Variants in RNF13 observed in about 807,000 individuals in gnomAD.
The protein encoded by RNF13 is ring finger protein 13.
A neutral mutation model predicts 37.7 loss-of-function variants in RNF13; 19 were observed. The ratio of observed to expected loss-of-function variants is 0.50; its 90% confidence interval spans 0.35 to 0.74. The LOEUF is 0.74. Ranked by LOEUF, RNF13 falls within the 30% of genes least tolerant of loss-of-function variation. The probability of loss-of-function intolerance (pLI) is 0.01; values close to 1 mark genes in which losing one functional copy is unlikely to be tolerated. For missense variants in RNF13, 375 were observed against 453.0 expected (o/e 0.83, Z 1.56); for synonymous variants, 144 against 157.8 (o/e 0.91, Z 0.65).
chr3:149,857,721 A>G (rs1723789969), intron 3 of RNF13, among the ~76,000 whole-genome samples: 1 of 152,236 alleles, frequency 6.6e-6, no homozygotes, highest in Non-Finnish European at 1.5e-5. Context: ...ACCTTTCCCC[A>G]TCCCCTTCCC....
Position 149,885,594 on chromosome 3 carries a change from A to G in RNF13, c.322-9879A>G, listed in dbSNP as rs138940370. ...AATTGGATTATCAGACTTTTTTCCT[A>G]TAGCATTGTTTGAACTCCTTATATA... On this transcript the variant is annotated intron_variant, in intron 4 of 9. Coordinates refer to ENST00000392894, the MANE Select transcript of RNF13 (RefSeq NM_183381.3). Among the ~76,000 whole-genome samples the G allele has an allele frequency of 2.9e-3, 434 of 152,174 alleles. 2 individuals are homozygous for G. Among genetic ancestry groups the G allele is most frequent in the African/African-American group, 1.0e-2 (414 of 41,552 alleles).
intron 8 of RNF13, among the ~76,000 whole-genome samples, chr3:149,940,681 A>AT (rs1342294590): frequency 6.6e-6 from 1 of 151,830 alleles, no homozygotes; most frequent in Non-Finnish European, 1.5e-5. Context: ...TTTTGCTTGC[A>AT]TTTTTTATTG....
chr3:149,832,375 A>T (rs1336366622), intron 1 of RNF13, among the ~76,000 whole-genome samples: 1 of 152,250 alleles, frequency 6.6e-6, no homozygotes, highest in Non-Finnish European at 1.5e-5. Context: ...TTTGGAAGTG[A>T]ATTTCCTGAA....
intron 8 of RNF13, chr3:149,939,140 T>C: frequency 1.9e-6 from 1 of 513,232 alleles, no homozygotes; most frequent in Non-Finnish European, 3.8e-6. Flanking sequence ...TTTCCTGTTT[T>C]TTGAAAGATT....
At chr3:149,895,269 C>T (rs781033677) in intron 4 of RNF13, 14 of 392,444 alleles carry the variant, frequency 3.6e-5, no homozygotes, top group South Asian at 8.7e-5. Flanking sequence ...GAATTGAATG[C>T]TCAAGGTCTG....
chr3:149,823,664 T>C (rs1344360226), intron 1 of RNF13, among the ~76,000 whole-genome samples: 2 of 152,158 alleles, frequency 1.3e-5, no homozygotes, highest in Non-Finnish European at 2.9e-5. Flanking sequence ...TATAAAGCAG[T>C]ACAAAGTAGC....
At chr3:149,815,948 G>A (rs945217946) in intron 1 of RNF13, among the ~76,000 whole-genome samples, 1 of 151,946 alleles carries the variant, frequency 6.6e-6, no homozygotes, top group Non-Finnish European at 1.5e-5. Flanking sequence ...TGTTGCCCAG[G>A]CTGGAGCAAT....
intron 1 of RNF13, among the ~76,000 whole-genome samples, chr3:149,819,649 T>G (rs1291851874): frequency 6.6e-6 from 1 of 152,200 alleles, no homozygotes; most frequent in Non-Finnish European, 1.5e-5. Context: ...TGCTCATGGT[T>G]ACAGAGAAAA....
chr3:149,932,233 C>A (rs1054028313), intron 8 of RNF13, among the ~76,000 whole-genome samples: 1 of 152,084 alleles, frequency 6.6e-6, no homozygotes, highest in Non-Finnish European at 1.5e-5. Context: ...ATGGTGGTTT[C>A]ATTTTTACTT....
intron 6 of RNF13, among the ~76,000 whole-genome samples, chr3:149,909,386 C>A (rs1716751274): frequency 6.6e-6 from 1 of 151,730 alleles, no homozygotes; most frequent in Non-Finnish European, 1.5e-5. Flanking sequence ...GCTAAGTTTC[C>A]AGCCTTAGCC....
At chr3:149,849,418 G>A (rs1335133179) in intron 2 of RNF13, among the ~76,000 whole-genome samples, 2 of 152,214 alleles carry the variant, frequency 1.3e-5, no homozygotes, top group Admixed American at 6.5e-5. Flanking sequence ...ATGGGTGGTG[G>A]TGTGAATGGA....
chr3:149,822,707 A>G (rs554340787), intron 1 of RNF13: 3 of 152,226 alleles, frequency 2.0e-5, no homozygotes, highest in African/African-American at 7.2e-5. Flanking sequence ...TTATTAAAGA[A>G]GGTAGATCAT....
chr3:149,921,398 C>T (rs1718111020), intron 8 of RNF13, among the ~76,000 whole-genome samples, 171 bp downstream of exon 8: 1 of 152,098 alleles, frequency 6.6e-6, no homozygotes, highest in Non-Finnish European at 1.5e-5. Context: ...GTTTGCTGCA[C>T]CCATCAACTC....
chr3:149,850,300 C>T (rs1723014827), intron 2 of RNF13, among the ~76,000 whole-genome samples: 2 of 152,286 alleles, frequency 1.3e-5, no homozygotes, highest in South Asian at 4.1e-4. Context: ...GATTTTTAAA[C>T]AGTGAACATG....
intron 8 of RNF13, among the ~76,000 whole-genome samples, chr3:149,949,247 T>C (rs1721073357): frequency 6.6e-6 from 1 of 152,148 alleles, no homozygotes; most frequent in South Asian, 2.1e-4. Flanking sequence ...ACTCCCTCAA[T>C]TTTTATCTGA....
intron 4 of RNF13, among the ~76,000 whole-genome samples, chr3:149,889,460 A>G (rs1038339443): frequency 8.3e-5 from 12 of 145,430 alleles, no homozygotes; most frequent in Non-Finnish European, 1.4e-4. Flanking sequence ...GTGTGCCACC[A>G]TGCCCAGCTA....
intron 8 of RNF13, among the ~76,000 whole-genome samples, chr3:149,926,405 T>TTG (rs765404869): frequency 6.6e-6 from 1 of 152,032 alleles, no homozygotes; most frequent in East Asian, 1.9e-4. Context: ...AGAGATGGGG[T>TTG]TTCACCATGT....
chr3:149,939,870 G>A (rs537220859), intron 8 of RNF13: 260 of 437,812 alleles, frequency 5.9e-4, no homozygotes, highest in Middle Eastern at 1.5e-3. Context: ...GAGAACAGCC[G>A]CGCAGGATGG....
At chr3:149,817,467 T>C (rs1200480628) in intron 1 of RNF13, 1 of 152,208 alleles carries the variant, frequency 6.6e-6, no homozygotes, top group Non-Finnish European at 1.5e-5. Flanking sequence ...TATAAACATA[T>C]GTTGAATGCT....
Sources: allele counts gnomAD v4.1 joint callset (sites outside exome capture counted in the v4.1 genomes callset), GRCh38; gene constraint gnomAD v4.1.1; transcripts MANE v1.5; gene names NCBI Gene and HGNC (gene_info 2026-07-23, HGNC 2026-07-21).